The following PDZRN3 variants were observed in gnomAD, a reference collection of about 807,000 sequenced individuals.
The protein encoded by PDZRN3 is E3 ubiquitin-protein ligase PDZRN3.
PDZRN3 carries 38 observed loss-of-function variants against 85.7 expected under a neutral mutation model. The observed-to-expected ratio is 0.44, with a 90% confidence interval of 0.34 to 0.58. The LOEUF (loss-of-function observed/expected upper bound fraction) is 0.58. Ranked by LOEUF, PDZRN3 falls within the 20% of genes least tolerant of loss-of-function variation. PDZRN3 has a pLI of 0.01. For missense variants in PDZRN3, 1,629 were observed against 1,506.4 expected (o/e 1.08, Z -1.35); for synonymous variants, 759 against 638.0 (o/e 1.19, Z -2.86).
chr3:73,603,902 C>CAT (rs1237174451), intron 2 of PDZRN3, among the ~76,000 whole-genome samples: 1 of 151,540 alleles, frequency 6.6e-6, no homozygotes, highest in African/African-American at 2.4e-5. Flanking sequence ...CACACACACA[C>CAT]ACACACAGAG....
At position 73,388,074 on chromosome 3, in the gene PDZRN3, T is replaced by C; in HGVS notation, c.1417-5A>G. On this transcript the variant is annotated splice_region_variant and splice_polypyrimidine_tract_variant and intron_variant, in intron 7 of 9. Transcript: ENST00000263666. ...CTGCACCTCTATCCCATTAATCTTTTAAAAAAAAAGGGGGGGTGGGGAGAG... is the reference window on the plus strand; with the variant it reads ...CTGCACCTCTATCCCATTAATCTTTCAAAAAAAAAGGGGGGGTGGGGAGAG... 2 of 755,656 alleles carry C rather than the reference T, an allele frequency of 2.6e-6. No homozygotes were observed. The highest frequency in any genetic ancestry group is 4.2e-6 in the Non-Finnish European group (2 of 480,324). The allele number at this position is 755,656 out of a possible 1,614,324, so 46.8% of individuals were successfully genotyped here.
intron 3 of PDZRN3, among the ~76,000 whole-genome samples, chr3:73,575,683 C>G (rs149150300): frequency 6.6e-6 from 1 of 152,152 alleles, no homozygotes; most frequent in Non-Finnish European, 1.5e-5. Flanking sequence ...GTTGTAGAGA[C>G]GACAAATGAA....
intron 4 of PDZRN3, 140 bp from the exon 5 acceptor site, chr3:73,401,149 C>T (rs574519297): frequency 1.4e-4 from 95 of 657,182 alleles, no homozygotes; most frequent in Admixed American, 5.1e-4. Flanking sequence ...CTGGATGGGG[C>T]TCTCAGCACG....
chr3:73,544,592 A>G (rs573399343), intron 3 of PDZRN3, among the ~76,000 whole-genome samples: 5 of 152,178 alleles, frequency 3.3e-5, no homozygotes, highest in African/African-American at 9.6e-5. Context: ...TATTTGAATG[A>G]TAAACAAACA....
At chr3:73,540,486 ATCCCCACG>A (rs1374391663) in intron 3 of PDZRN3, among the ~76,000 whole-genome samples, 8 of 152,200 alleles carry the variant, frequency 5.3e-5, no homozygotes, top group Admixed American at 5.2e-4. Flanking sequence ...GGTTCCCATC[ATCCCCACG>A]TATTGTGGGA....
chr3:73,551,243 C>T (rs1052341803), intron 3 of PDZRN3, among the ~76,000 whole-genome samples: 1 of 152,122 alleles, frequency 6.6e-6, no homozygotes, highest in East Asian at 1.9e-4. Context: ...GGGAAAATGA[C>T]ACACTGTCTT....
At chr3:73,498,372 G>A (rs1703909173) in intron 3 of PDZRN3, among the ~76,000 whole-genome samples, 1 of 152,152 alleles carries the variant, frequency 6.6e-6, no homozygotes, top group African/African-American at 2.4e-5. Context: ...CCAAACTACC[G>A]CTGGCTCCAG....
chr3:73,511,573 T>A (rs546148182), intron 3 of PDZRN3, among the ~76,000 whole-genome samples: 16 of 152,176 alleles, frequency 1.1e-4, no homozygotes, highest in African/African-American at 2.9e-4. Flanking sequence ...CCCCCTACAA[T>A]CCCAACCCGG....
chr3:73,420,405 C>G (rs1216894542), intron 3 of PDZRN3, among the ~76,000 whole-genome samples: 3 of 152,182 alleles, frequency 2.0e-5, no homozygotes, highest in Admixed American at 6.5e-5. Flanking sequence ...CCAGTGGATG[C>G]CCCTACTTGG....
At chr3:73,593,715 C>A (rs1418424425) in intron 3 of PDZRN3, among the ~76,000 whole-genome samples, 1 of 95,216 alleles carries the variant, frequency 1.1e-5, no homozygotes, top group African/African-American at 3.0e-5. Context: ...AATATACACA[C>A]ACACACACAC....
rs548073283 is a variant in PDZRN3 at position 73,455,610 on chromosome 3, A to C, written c.919-51215T>G. Among the ~76,000 whole-genome samples, 25 of 152,372 alleles carry C rather than the reference A, an allele frequency of 1.6e-4. 2 individuals are homozygous for C. The South Asian group carries it at 5.2e-3, about 32-fold the overall frequency. On this transcript the variant is annotated intron_variant, in intron 3 of 9. Transcript: ENST00000263666. ...ATTTTTTCTCACTTGCAAAACAGAT[A>C]TTATAATAAATCTTGTTCAAAAGAT... is the stretch of plus-strand genomic sequence containing the variant.
intron 5 of PDZRN3, among the ~76,000 whole-genome samples, chr3:73,398,849 C>G (rs1273702945): frequency 6.6e-6 from 1 of 152,186 alleles, no homozygotes; most frequent in Non-Finnish European, 1.5e-5. Flanking sequence ...TGGATGCTGA[C>G]TTTCTGCTTG....
chr3:73,422,007 G>C (rs1702213880), intron 3 of PDZRN3, among the ~76,000 whole-genome samples: 1 of 152,166 alleles, frequency 6.6e-6, no homozygotes, highest in Non-Finnish European at 1.5e-5. Context: ...GTCTTTATAT[G>C]ATGTTTCTGC....
At chr3:73,595,494 T>C (rs1702418330) in intron 3 of PDZRN3, among the ~76,000 whole-genome samples, 1 of 152,180 alleles carries the variant, frequency 6.6e-6, no homozygotes. Flanking sequence ...ATAAGTTTCC[T>C]GTGTATAGTT....
intron 3 of PDZRN3, among the ~76,000 whole-genome samples, chr3:73,568,897 G>A (rs989853010): frequency 5.3e-5 from 8 of 152,158 alleles, no homozygotes; most frequent in Non-Finnish European, 8.8e-5. Context: ...TTTGATTCAC[G>A]GAAGCCAGAC....
chr3:73,398,857 T>C (rs987294627), intron 5 of PDZRN3, among the ~76,000 whole-genome samples: 8 of 152,216 alleles, frequency 5.3e-5, no homozygotes, highest in East Asian at 1.9e-4. Context: ...GACTTTCTGC[T>C]TGACGCAGTG....
chr3:73,620,972 T>C (rs1266927797), intron 1 of PDZRN3, among the ~76,000 whole-genome samples: 1 of 152,262 alleles, frequency 6.6e-6, no homozygotes, highest in Non-Finnish European at 1.5e-5. Flanking sequence ...TGAAGACCAA[T>C]ACATGTTTGG....
chr3:73,424,664 A>G (rs1248463709), intron 3 of PDZRN3, among the ~76,000 whole-genome samples: 1 of 152,102 alleles, frequency 6.6e-6, no homozygotes, highest in African/African-American at 2.4e-5. Flanking sequence ...ACAACCAGGG[A>G]AGAAGAGGAA....
At chr3:73,471,671 C>A (rs186265210) in intron 3 of PDZRN3, among the ~76,000 whole-genome samples, 1 of 152,326 alleles carries the variant, frequency 6.6e-6, no homozygotes, top group Admixed American at 6.5e-5. Context: ...GGCTGGGACT[C>A]CCTTGCTGTC....
Sources: gnomAD v4.1 joint callset for allele counts (sites outside exome capture counted in the v4.1 genomes callset) on GRCh38, gnomAD v4.1.1 for gene constraint, MANE v1.5 for transcripts, NCBI Gene and HGNC (gene_info 2026-07-23, HGNC 2026-07-21) for gene names.